The following ERBB4 variants were observed in gnomAD, a reference collection of about 807,000 sequenced individuals.
The protein encoded by ERBB4 is erb-b2 receptor tyrosine kinase 4.
A neutral mutation model predicts 158.0 loss-of-function variants in ERBB4; 42 were observed. The ratio of observed to expected loss-of-function variants is 0.27; its 90% CI spans 0.21 to 0.34. The LOEUF is 0.34. Among genes scored for constraint, ERBB4 ranks in the 10% least tolerant of loss-of-function variants. ERBB4 has a pLI of 1.00. For missense variants in ERBB4, 1,333 were observed against 1,624.1 expected (o/e 0.82, Z 3.08); for synonymous variants, 583 against 558.7 (o/e 1.04, Z -0.61).
chr2:212,291,056 T>A (rs1416224259), intron 1 of ERBB4, among the ~76,000 whole-genome samples: 1 of 152,088 alleles, frequency 6.6e-6, no homozygotes, highest in Non-Finnish European at 1.5e-5. Flanking sequence ...ATATGGCCTC[T>A]ACCAACACAC....
chr2:212,051,308 A>C (rs1226578775), intron 2 of ERBB4, among the ~76,000 whole-genome samples: 1 of 152,022 alleles, frequency 6.6e-6, no homozygotes, highest in Non-Finnish European at 1.5e-5. Flanking sequence ...AATTCTTTTA[A>C]GTGCTTTAAG....
chr2:211,678,908 A>C, intron 13 of ERBB4, 144 bp downstream of exon 13: 1 of 696,656 alleles, frequency 1.4e-6, no homozygotes, highest in South Asian at 1.8e-5. Flanking sequence ...CGGAGCTTGC[A>C]GTGAGCCGAG....
At chr2:212,309,856 T>A (rs1432268718) in intron 1 of ERBB4, among the ~76,000 whole-genome samples, 1 of 150,526 alleles carries the variant, frequency 6.6e-6, no homozygotes, top group Non-Finnish European at 1.5e-5. Flanking sequence ...AATTTTAAAC[T>A]GTATTCTATT....
intron 1 of ERBB4, among the ~76,000 whole-genome samples, chr2:212,225,246 A>C (rs1323140414): frequency 3.3e-5 from 5 of 152,106 alleles, no homozygotes; most frequent in African/African-American, 9.7e-5. Flanking sequence ...GAAAGTGAAA[A>C]ATTTAACTAA....
At chr2:212,466,256 A>G (rs1688828249) in intron 1 of ERBB4, among the ~76,000 whole-genome samples, 1 of 152,212 alleles carries the variant, frequency 6.6e-6, no homozygotes, top group Admixed American at 6.5e-5. Context: ...GTCCACTTAT[A>G]CGTGGATTCT....
chr2:211,860,862 A>G (rs1255220048), intron 3 of ERBB4, among the ~76,000 whole-genome samples: 1 of 144,760 alleles, frequency 6.9e-6, no homozygotes, highest in Non-Finnish European at 1.5e-5. Flanking sequence ...AAAATAAATC[A>G]TTAATTTTAT....
chr2:211,772,949 A>ATT (rs1441700991), intron 4 of ERBB4, among the ~76,000 whole-genome samples: 2 of 75,048 alleles, frequency 2.7e-5, no homozygotes, highest in African/African-American at 1.5e-4. Context: ...ATATATATAT[A>ATT]TATATATTTT....
intron 3 of ERBB4, among the ~76,000 whole-genome samples, chr2:211,797,737 A>C (rs1347466607): frequency 6.6e-6 from 1 of 151,990 alleles, no homozygotes; most frequent in Non-Finnish European, 1.5e-5. Flanking sequence ...CAAAATAAGA[A>C]ATTAAAGAAG....
chr2:212,514,578 G>A (rs1057097368), intron 1 of ERBB4, among the ~76,000 whole-genome samples: 24 of 152,070 alleles, frequency 1.6e-4, no homozygotes, highest in Admixed American at 2.6e-4. Context: ...AGGCTGAGGC[G>A]GGCGGATCAC....
At chr2:212,462,112 G>A (rs1278095720) in intron 1 of ERBB4, among the ~76,000 whole-genome samples, 1 of 152,022 alleles carries the variant, frequency 6.6e-6, no homozygotes, top group African/African-American at 2.4e-5. Context: ...AACTTTATCT[G>A]GAATAAAGAC....
chr2:212,145,182 C>A lies in ERBB4; in HGVS notation c.83-20279G>T, dbSNP rs547417087. ...AATTGTAGTTAAAACAAAAAAAATC[C>A]ATTTGAAAATCAAATACTAGAGAAA... On this transcript the variant is annotated intron_variant, in intron 1 of 27. Transcript: ENST00000342788. Among the ~76,000 whole-genome samples, 4 of 152,154 alleles carry A rather than the reference C, an allele frequency of 2.6e-5. No homozygotes were observed. In the East Asian group the frequency reaches 7.7e-4, roughly 29 times the overall value.
intron 1 of ERBB4, among the ~76,000 whole-genome samples, chr2:212,201,392 G>A (rs1036055487): frequency 6.6e-6 from 1 of 152,058 alleles, no homozygotes; most frequent in Admixed American, 6.6e-5. Flanking sequence ...CAGCTCTCCC[G>A]TGGATTCACC....
intron 5 of ERBB4, among the ~76,000 whole-genome samples, chr2:211,725,528 T>C (rs2074238828): frequency 6.6e-6 from 1 of 152,164 alleles, no homozygotes; most frequent in Non-Finnish European, 1.5e-5. Context: ...GAGGATTGCT[T>C]GAGGCCAGTA....
intron 1 of ERBB4, among the ~76,000 whole-genome samples, chr2:212,133,848 C>T (rs1272493760): frequency 6.6e-6 from 1 of 152,080 alleles, no homozygotes; most frequent in Non-Finnish European, 1.5e-5. Context: ...TAGAATGGAG[C>T]CAGAATCAAA....
At position 211,385,881 on chromosome 2, in the gene ERBB4, C is replaced by T. The variant is rs184803209; in HGVS notation, c.3481+972G>A. Among the ~76,000 whole-genome samples, 538 of 152,222 alleles carry T rather than the reference C, an allele frequency of 3.5e-3. 2 individuals carry two copies. The highest frequency in any genetic ancestry group is 5.4e-3 in the Non-Finnish European group (368 of 68,008). ...GTCTTCACAACGTCTACATTTGTGT[C>T]ATTACTAGGCTACTATGAGCATCCA... is the stretch of plus-strand genomic sequence containing the variant. On this transcript the variant is annotated intron_variant, in intron 27 of 27. Coordinates refer to ENST00000342788, the MANE Select transcript of ERBB4 (RefSeq NM_005235.3).
chr2:211,556,200 C>A (rs570919421), intron 20 of ERBB4, among the ~76,000 whole-genome samples: 31 of 152,304 alleles, frequency 2.0e-4, no homozygotes, highest in African/African-American at 7.0e-4. Context: ...AGGGGCATTA[C>A]ATAATGGTAA....
chr2:211,806,961 G>A (rs980552154), intron 3 of ERBB4, among the ~76,000 whole-genome samples: 5 of 151,746 alleles, frequency 3.3e-5, no homozygotes, highest in African/African-American at 1.2e-4. Context: ...AAACAATATT[G>A]TTTAAAAGAC....
At chr2:212,394,395 C>G (rs2090964402) in intron 1 of ERBB4, among the ~76,000 whole-genome samples, 1 of 151,752 alleles carries the variant, frequency 6.6e-6, no homozygotes, top group Admixed American at 6.6e-5. Context: ...AATCTATTGC[C>G]TAGGAATTAT....
intron 1 of ERBB4, among the ~76,000 whole-genome samples, chr2:212,207,271 C>G (rs2082792190): frequency 6.6e-6 from 1 of 151,920 alleles, no homozygotes; most frequent in Non-Finnish European, 1.5e-5. Context: ...CCAGTTCAGT[C>G]ACATTAAAGA....
Sources: allele counts gnomAD v4.1 joint callset (sites outside exome capture counted in the v4.1 genomes callset), GRCh38; gene constraint gnomAD v4.1.1; transcripts MANE v1.5; gene names NCBI Gene and HGNC (gene_info 2026-07-23, HGNC 2026-07-21).